LGR4: variants seen among roughly 807,000 people sequenced by gnomAD.
LGR4 encodes leucine rich repeat containing G protein-coupled receptor 4.
LGR4 carries 44 observed loss-of-function variants against 84.8 expected under a neutral mutation model. The observed-to-expected ratio is 0.52, with a 90% CI of 0.41 to 0.67. The LOEUF is 0.67. LGR4 is among the 30% of genes least tolerant of loss of function. LGR4 has a pLI of 0.00. For synonymous variants in LGR4, 429 were observed against 434.3 expected (o/e 0.99, Z 0.15); for missense variants, 1,032 against 1,131.4 (o/e 0.91, Z 1.26).
In LGR4 at chr11:27,472,463, C is replaced by G. The variant is rs1345482123; in HGVS notation, c.-161G>C. The G allele has an allele frequency of 2.3e-6, 1 of 434,490 alleles. No individual in the cohort carries two copies. Among genetic ancestry groups the G allele is most frequent in the South Asian group, 1.1e-4 (1 of 8,776 alleles). 26.9% of individuals were successfully genotyped at this position (434,490 alleles called of 1,614,324 possible). A position where few individuals can be genotyped will look rare whatever the true frequency, so the allele number is the denominator to read the frequency against. On this transcript the variant is annotated 5_prime_UTR_variant, in exon 1 of 18. Coordinates refer to ENST00000379214, the MANE Select transcript of LGR4 (RefSeq NM_018490.5). ...CGGCCCCTTCAGCAGTCCGCCGCAG[C>G]GGCGCAGGGACGCGGCGCTCCGGAG... is the stretch of plus-strand genomic sequence containing the variant.
intron 1 of LGR4, among the ~76,000 whole-genome samples, chr11:27,437,995 A>G (rs1864241998): frequency 6.6e-6 from 1 of 152,042 alleles, no homozygotes. Context: ...CAGCCTGAGC[A>G]ACACAGCAAG....
At chr11:27,462,698 C>A (rs748193980) in intron 1 of LGR4, among the ~76,000 whole-genome samples, 27 of 151,974 alleles carry the variant, frequency 1.8e-4, no homozygotes, top group Non-Finnish European at 2.9e-4. Context: ...TCTCACTCGG[C>A]GTCACTCAAA....
At position 27,368,139 on chromosome 11, in the gene LGR4, C is replaced by T. The variant is rs757810890; in HGVS notation, c.2584G>A (p.Glu862Lys). 6.9e-5 allele frequency: 112 copies of T among 1,613,936 alleles called. No homozygotes were observed. The highest frequency in any genetic ancestry group is 1.7e-4 in the Admixed American group (10 of 59,992). Residue 862 changes from glutamate (E) to lysine (K), a missense_variant, in exon 18 of 18, where the codon GAA (glutamate) becomes AAA (lysine). Physicochemically the swap from Glu to Lys is moderately conservative, Grantham distance 56. Transcript: ENST00000379214. Reference protein sequence around the residue: ...QGNLTVCDCCESFLLTKPVSC... With the variant: ...QGNLTVCDCCKSFLLTKPVSC... Reference sequence around the variant, plus strand: ...ACTGGCTTTGTTAAAAGAAACGATTCGCAGCAGTCGCAAACAGTCAGGTTG... The same window carrying T: ...ACTGGCTTTGTTAAAAGAAACGATTTGCAGCAGTCGCAAACAGTCAGGTTG...
At chr11:27,471,756 A>C in intron 1 of LGR4, 2 of 166,156 alleles carry the variant, frequency 1.2e-5, no homozygotes, top group Admixed American at 6.4e-5. Context: ...CCTCATGAGA[A>C]GGGAAGGTCG....
chr11:27,415,485 T>C (rs914909334), intron 1 of LGR4, among the ~76,000 whole-genome samples: 6 of 152,124 alleles, frequency 3.9e-5, no homozygotes, highest in African/African-American at 7.2e-5. Context: ...ATTTTTTTCC[T>C]TATAGTAACA....
At chr11:27,469,432 C>G (rs190645875) in intron 1 of LGR4, among the ~76,000 whole-genome samples, 13 of 152,298 alleles carry the variant, frequency 8.5e-5, no homozygotes, top group African/African-American at 3.1e-4. Context: ...CTCGGTGTGG[C>G]CTTGCATCCT....
chr11:27,406,336 C>A (rs922411749), intron 2 of LGR4, among the ~76,000 whole-genome samples: 2 of 152,096 alleles, frequency 1.3e-5, no homozygotes, highest in Non-Finnish European at 2.9e-5. Flanking sequence ...TATACATTGT[C>A]TAGCAAGTCC....
intron 1 of LGR4, among the ~76,000 whole-genome samples, chr11:27,443,550 A>T (rs1331302618): frequency 2.0e-5 from 3 of 152,256 alleles, no homozygotes; most frequent in Non-Finnish European, 2.9e-5. Flanking sequence ...TGTACAAATT[A>T]AAAAATATCT....
chr11:27,417,621 C>T (rs1053698846), intron 1 of LGR4, among the ~76,000 whole-genome samples: 4 of 152,116 alleles, frequency 2.6e-5, no homozygotes, highest in African/African-American at 7.2e-5. Context: ...ATTTTCTCCC[C>T]ACCTTTTTAT....
At position 27,368,346 on chromosome 11, in the gene LGR4, G is replaced by A. The variant is rs1392733766; in HGVS notation, c.2377C>T (p.Pro793Ser). The change falls in exon 18 of 18, where the codon CCT becomes TCT. Residue 793 changes from proline (P) to serine (S), a missense_variant. By Grantham distance (74) the Pro-to-Ser change is moderately conservative. Coordinates refer to ENST00000379214, the MANE Select transcript of LGR4 (RefSeq NM_018490.5). ...TACAGGACTGGATTCAGGCAAGCAG[G>A]CAATGGAAAAAATATCAGAGTAACA... The part of the protein sequence containing the change: ...KSVTLIFFPL[P>S]ACLNPVLYVF... 1 of 1,614,096 alleles carries A rather than the reference G, an allele frequency of 6.2e-7. No individual in the cohort carries two copies. Among genetic ancestry groups the A allele is most frequent in the East Asian group, 2.2e-5 (1 of 44,884 alleles).
intron 2 of LGR4, among the ~76,000 whole-genome samples, chr11:27,395,644 G>A (rs1411617166): frequency 6.6e-6 from 1 of 152,232 alleles, no homozygotes; most frequent in Non-Finnish European, 1.5e-5. Flanking sequence ...CTACTAGTAT[G>A]TGGTGGACAG....
chr11:27,379,631 C>T (rs1863054147), intron 10 of LGR4, among the ~76,000 whole-genome samples: 1 of 152,136 alleles, frequency 6.6e-6, no homozygotes, highest in African/African-American at 2.4e-5. Flanking sequence ...GTCCTAGCTG[C>T]CTCAGGCCCC....
intron 1 of LGR4, among the ~76,000 whole-genome samples, chr11:27,421,933 C>G (rs1242336053): frequency 6.6e-6 from 1 of 152,144 alleles, no homozygotes; most frequent in Non-Finnish European, 1.5e-5. Context: ...CTAATTTGAT[C>G]AAGAACCCTA....
chr11:27,453,803 T>C (rs543066274), intron 1 of LGR4, among the ~76,000 whole-genome samples: 11 of 152,328 alleles, frequency 7.2e-5, no homozygotes, highest in African/African-American at 2.4e-4. Context: ...AAAAATAAAA[T>C]TCTAAGGGCC....
intron 13 of LGR4, among the ~76,000 whole-genome samples, chr11:27,375,821 C>T (rs1449707784): frequency 6.6e-6 from 1 of 152,140 alleles, no homozygotes; most frequent in Non-Finnish European, 1.5e-5. Flanking sequence ...TTCAGTTATA[C>T]ACATTACACA....
At chr11:27,382,683 T>C (rs1486271774) in intron 6 of LGR4, among the ~76,000 whole-genome samples, 1 of 152,210 alleles carries the variant, frequency 6.6e-6, no homozygotes, top group African/African-American at 2.4e-5. Flanking sequence ...TAAGAGCAGC[T>C]GACCTCAGTT....
At chr11:27,449,854 A>G (rs1273967723) in intron 1 of LGR4, among the ~76,000 whole-genome samples, 3 of 152,166 alleles carry the variant, frequency 2.0e-5, no homozygotes, top group Admixed American at 2.0e-4. Context: ...TTCCTGATCA[A>G]TATTTTAACA....
intron 4 of LGR4, among the ~76,000 whole-genome samples, chr11:27,390,228 C>T (rs533620562): frequency 1.3e-5 from 2 of 152,246 alleles, no homozygotes; most frequent in East Asian, 3.9e-4. Flanking sequence ...GCTGTATTTT[C>T]TAACTTGCGT....
intron 2 of LGR4, among the ~76,000 whole-genome samples, chr11:27,398,836 C>T (rs2045966406): frequency 2.0e-5 from 3 of 152,122 alleles, no homozygotes; most frequent in Admixed American, 2.0e-4. Flanking sequence ...ACTTCGAGCA[C>T]CACCATTCCC....
Sources: gnomAD v4.1 joint callset for allele counts (sites outside exome capture counted in the v4.1 genomes callset) on GRCh38, gnomAD v4.1.1 for gene constraint, MANE v1.5 for transcripts, NCBI Gene and HGNC (gene_info 2026-07-23, HGNC 2026-07-21) for gene names.